Variants in RBM20 observed in about 807,000 individuals in gnomAD.
The protein encoded by RBM20 is RNA binding motif protein 20.
RBM20 carries 51 observed loss-of-function variants against 110.1 expected under a neutral mutation model. The observed-to-expected ratio is 0.46, with a 90% CI of 0.37 to 0.59. The LOEUF (loss-of-function observed/expected upper bound fraction) is 0.59. RBM20 is among the 20% of genes least tolerant of loss of function. The pLI is 0.00. For missense variants in RBM20, 1,512 were observed against 1,574.9 expected, an observed-to-expected ratio of 0.96 and a Z score of 0.68; for synonymous variants, 589 against 618.2, an observed-to-expected ratio of 0.95 and a Z score of 0.70.
chr10:110,796,992 G>A (rs1045101305), intron 5 of RBM20, among the ~76,000 whole-genome samples: 3 of 152,168 alleles, frequency 2.0e-5, no homozygotes, highest in Admixed American at 2.0e-4. Context: ...TGGAATGGCA[G>A]GATCATGGGC....
Position 110,821,578 on chromosome 10 carries a change from G to T in RBM20, c.2959G>T (p.Ala987Ser). The T allele has an allele frequency of 6.4e-7, 1 of 1,550,706 alleles. No individual in the cohort carries two copies. Among genetic ancestry groups the T allele is most frequent in the Non-Finnish European group, 8.7e-7 (1 of 1,145,952 alleles). ...CAAGTCACCCAGAGAACTGCCCTCT[G>T]CTTCCACAAGCTGTCCCAGTGACAT... ...SLKSPRELPSASTSCPSDMDV... is the reference protein window; with the variant it reads ...SLKSPRELPSSSTSCPSDMDV... Residue 987 changes from alanine (A) to serine (S), a missense_variant, in exon 11 of 14, where the codon GCT (alanine) becomes TCT (serine). Physicochemically the swap from Ala to Ser is moderately conservative, Grantham distance 99. This residue lies in a region of RBM20 where 358 missense variants were observed against 384.2 expected (regional missense o/e 0.93). Coordinates refer to ENST00000369519, the MANE Select transcript of RBM20 (RefSeq NM_001134363.3).
At chr10:110,669,547 T>C (rs1418664938) in intron 1 of RBM20, among the ~76,000 whole-genome samples, 1 of 152,260 alleles carries the variant, frequency 6.6e-6, no homozygotes, top group African/African-American at 2.4e-5. Flanking sequence ...GCTCAGAAGA[T>C]TGCTTTCAAA....
At chr10:110,798,846 T>A (rs1289423160) in intron 6 of RBM20, among the ~76,000 whole-genome samples, 1 of 152,178 alleles carries the variant, frequency 6.6e-6, no homozygotes, top group African/African-American at 2.4e-5. Flanking sequence ...ATCAGTATAT[T>A]GTCAGTATAG....
intron 1 of RBM20, among the ~76,000 whole-genome samples, chr10:110,708,242 T>C (rs1394431650): frequency 6.6e-6 from 1 of 152,176 alleles, no homozygotes; most frequent in Non-Finnish European, 1.5e-5. Flanking sequence ...CATTTTCATT[T>C]TGCAGTGTGC....
At chr10:110,793,985 G>C (rs771366067) in intron 5 of RBM20, among the ~76,000 whole-genome samples, 3 of 152,204 alleles carry the variant, frequency 2.0e-5, no homozygotes, top group Non-Finnish European at 2.9e-5. Context: ...TTACTGCGTA[G>C]CATGGTGACG....
intron 1 of RBM20, among the ~76,000 whole-genome samples, chr10:110,654,332 C>T (rs1861990472): frequency 6.6e-6 from 1 of 152,154 alleles, no homozygotes; most frequent in Non-Finnish European, 1.5e-5. Flanking sequence ...TTTTTCTAGT[C>T]CTGACTTCAT....
At position 110,838,845 on chromosome 10, in the gene RBM20, GTATTTATTTT is replaced by G. The variant is rs1424753629; in HGVS notation, c.*2881_*2890del. On this transcript the variant is annotated 3_prime_UTR_variant, in exon 14 of 14. Coordinates refer to ENST00000369519, the MANE Select transcript of RBM20 (RefSeq NM_001134363.3). The stretch of plus-strand genomic sequence containing the variant: ...AGAGTCTATACTTGTGTGTACATAC[GTATTTATTTT>G]TATTTATTTTTATACAATTCCATTG... The G allele has an allele frequency of 2.0e-5, 3 of 152,182 alleles. No homozygotes were observed. Among genetic ancestry groups the G allele is most frequent in the Admixed American group, 6.5e-5 (1 of 15,288 alleles). The allele number at this position is 152,182 out of a possible 1,614,324, so 9.4% of individuals were successfully genotyped here.
At chr10:110,790,560 T>TA (rs1844471245) in intron 5 of RBM20, among the ~76,000 whole-genome samples, 2 of 152,266 alleles carry the variant, frequency 1.3e-5, no homozygotes, top group Non-Finnish European at 2.9e-5. Context: ...GCTTTTGTTA[T>TA]AAGTATATAT....
At chr10:110,812,152 T>C in intron 8 of RBM20, 126 bp from the exon 9 acceptor site, 1 of 849,396 alleles carries the variant, frequency 1.2e-6, no homozygotes, top group Non-Finnish European at 1.8e-6. Context: ...TCTGTAGAGT[T>C]GGGAGTTAAG....
At chr10:110,776,147 C>T (rs1412150985) in intron 1 of RBM20, among the ~76,000 whole-genome samples, 1 of 152,132 alleles carries the variant, frequency 6.6e-6, no homozygotes, top group Non-Finnish European at 1.5e-5. Flanking sequence ...CCTATTTGTG[C>T]AGAATTGGCC....
At chr10:110,656,918 A>G (rs2134815965) in intron 1 of RBM20, among the ~76,000 whole-genome samples, 1 of 152,282 alleles carries the variant, frequency 6.6e-6, no homozygotes, top group East Asian at 1.9e-4. Flanking sequence ...TATTGTGAAT[A>G]GTGCTACTGT....
At chr10:110,677,009 G>A (rs1348194825) in intron 1 of RBM20, among the ~76,000 whole-genome samples, 2 of 152,188 alleles carry the variant, frequency 1.3e-5, no homozygotes, top group African/African-American at 4.8e-5. Flanking sequence ...TCCTAAAACA[G>A]GATAATTTTT....
chr10:110,718,373 A>T (rs900494136), intron 1 of RBM20, among the ~76,000 whole-genome samples: 1 of 151,986 alleles, frequency 6.6e-6, no homozygotes, highest in Non-Finnish European at 1.5e-5. Flanking sequence ...ATGCTTCCCC[A>T]CCTCTGCCCA....
intron 1 of RBM20, among the ~76,000 whole-genome samples, chr10:110,659,736 T>TTTCCTCTTCCTCTTCTTC (rs1263012837): frequency 2.6e-5 from 4 of 152,004 alleles, no homozygotes; most frequent in African/African-American, 9.7e-5. Context: ...TTTTCTTTCC[T>TTTCCTCTTCCTCTTCTTC]TTCCTCTTCC....
At chr10:110,695,202 G>A (rs1015569924) in intron 1 of RBM20, among the ~76,000 whole-genome samples, 7 of 152,280 alleles carry the variant, frequency 4.6e-5, no homozygotes, top group Non-Finnish European at 1.0e-4. Context: ...GTTTAACTGA[G>A]GTGTTTATTC....
chr10:110,770,938 A>C (rs983361988), intron 1 of RBM20, among the ~76,000 whole-genome samples: 2 of 152,242 alleles, frequency 1.3e-5, no homozygotes, highest in Admixed American at 1.3e-4. Context: ...TGAATACTTT[A>C]CAATTTTATA....
intron 5 of RBM20, among the ~76,000 whole-genome samples, chr10:110,787,381 C>T (rs907050556): frequency 1.3e-5 from 2 of 152,210 alleles, no homozygotes; most frequent in African/African-American, 4.8e-5. Flanking sequence ...CCGTCAAGTA[C>T]ATATGAAGTA....
At chr10:110,745,984 G>A (rs186615176) in intron 1 of RBM20, among the ~76,000 whole-genome samples, 1 of 152,268 alleles carries the variant, frequency 6.6e-6, no homozygotes, top group Admixed American at 6.5e-5. Context: ...AGAACTTAAT[G>A]ATTTAGAACC....
intron 1 of RBM20, among the ~76,000 whole-genome samples, chr10:110,674,246 A>G (rs17828537): frequency 0.077 from 11,740 of 152,250 alleles, 641 homozygotes; most frequent in Non-Finnish European, 0.11. Flanking sequence ...GTTATAGTCA[A>G]TTCTTATGTT....
Sources: gnomAD v4.1 joint callset for allele counts (sites outside exome capture counted in the v4.1 genomes callset) on GRCh38, gnomAD v4.1.1 for gene constraint, gnomAD v4.1.1 regional missense constraint, MANE v1.5 for transcripts, NCBI Gene and HGNC (gene_info 2026-07-23, HGNC 2026-07-21) for gene names.